OPCML: variants seen among roughly 807,000 people sequenced by gnomAD.
OPCML encodes opioid binding protein/cell adhesion molecule like, also known as opioid-binding protein/cell adhesion molecule.
Under a neutral mutation model 37.8 loss-of-function variants are expected in OPCML, and 13 were observed. The observed-to-expected ratio is 0.34, with a 90% CI of 0.22 to 0.55. The LOEUF is 0.55. OPCML is among the 20% of genes least tolerant of loss of function. The probability of loss-of-function intolerance (pLI) is 0.91; values close to 1 mark genes in which losing one functional copy is unlikely to be tolerated. For missense variants in OPCML, 341 were observed against 435.6 expected, an observed-to-expected ratio of 0.78 and a Z score of 1.93; for synonymous variants, 176 against 168.8, an observed-to-expected ratio of 1.04 and a Z score of -0.33.
chr11:132,468,904 C>T (rs926471302), intron 4 of OPCML, among the ~76,000 whole-genome samples: 1 of 152,206 alleles, frequency 6.6e-6, no homozygotes, highest in African/African-American at 2.4e-5. Flanking sequence ...GATCCAATCA[C>T]ACCCAGATAT....
chr11:132,944,602 A>C (rs1056706407), intron 1 of OPCML, among the ~76,000 whole-genome samples: 1 of 152,234 alleles, frequency 6.6e-6, no homozygotes, highest in Non-Finnish European at 1.5e-5. Flanking sequence ...GGCTGGGAAA[A>C]ACACACCAGA....
chr11:132,877,298 C>CA lies in OPCML; in HGVS notation c.146+65627dup, dbSNP rs550176288. ...AGGAACTAAGCTGCACCCCCCCACC[C>CA]AAAAAAAGATGCAATATTCACTTGA... On this transcript the variant is annotated intron_variant, in intron 2 of 7. Transcript: ENST00000524381. 4.1e-3 allele frequency among the ~76,000 whole-genome samples: 627 copies of CA among 151,956 alleles called. 3 individuals carry two copies. Among genetic ancestry groups the CA allele is most frequent in the African/African-American group, 0.014 (596 of 41,458 alleles).
intron 1 of OPCML, among the ~76,000 whole-genome samples, chr11:133,466,528 G>T (rs968492439): frequency 2.6e-5 from 4 of 152,160 alleles, no homozygotes; most frequent in Non-Finnish European, 5.9e-5. Flanking sequence ...GAAGCAAAAG[G>T]CCATTCTACA....
chr11:133,044,626 C>T (rs1056861590), intron 1 of OPCML, among the ~76,000 whole-genome samples: 2 of 152,036 alleles, frequency 1.3e-5, no homozygotes, highest in African/African-American at 4.8e-5. Context: ...TAATCCATAC[C>T]GAATTCTAGG....
chr11:132,727,383 T>C (rs534437525), intron 2 of OPCML, among the ~76,000 whole-genome samples: 3 of 152,294 alleles, frequency 2.0e-5, no homozygotes, highest in African/African-American at 7.2e-5. Context: ...GGCTTCTCCA[T>C]TTATCTGTCC....
At chr11:133,020,460 G>C (rs757059854) in intron 1 of OPCML, among the ~76,000 whole-genome samples, 34 of 152,280 alleles carry the variant, frequency 2.2e-4, no homozygotes, top group Middle Eastern at 3.4e-3. Context: ...GATTATCCCA[G>C]TTCAGAAGCC....
At chr11:132,625,947 AT>A (rs1297458429) in intron 3 of OPCML, among the ~76,000 whole-genome samples, 1 of 152,008 alleles carries the variant, frequency 6.6e-6, no homozygotes, top group Non-Finnish European at 1.5e-5. Context: ...CCACATCTCT[AT>A]TGTAGCACTT....
intron 4 of OPCML, among the ~76,000 whole-genome samples, chr11:132,471,273 A>G (rs2096137272): frequency 6.6e-6 from 1 of 152,044 alleles, no homozygotes; most frequent in Non-Finnish European, 1.5e-5. Context: ...ATGGCTGTGG[A>G]TGGTGGGGCA....
At position 132,441,479 on chromosome 11, in the gene OPCML, T is replaced by A. The variant is rs183859960; in HGVS notation, c.506-4120A>T. Among the ~76,000 whole-genome samples the A allele has an allele frequency of 4.9e-3, 751 of 152,304 alleles. 5 individuals carry two copies. The highest frequency in any genetic ancestry group is 0.016 in the African/African-American group (678 of 41,570). ...CACCGCGCCCGGCCCACCAAGGACTTTTTTAAAAAGGCTGTAAGACTGCAA... is the reference window on the plus strand; with the variant it reads ...CACCGCGCCCGGCCCACCAAGGACTATTTTAAAAAGGCTGTAAGACTGCAA... On this transcript the variant is annotated intron_variant, in intron 4 of 7. Transcript: ENST00000524381.
At chr11:132,725,343 T>C (rs1404691554) in intron 2 of OPCML, among the ~76,000 whole-genome samples, 7 of 152,138 alleles carry the variant, frequency 4.6e-5, no homozygotes, top group Non-Finnish European at 1.0e-4. Flanking sequence ...TAGCCATGGC[T>C]AGAGTGGCTG....
chr11:133,521,137 C>A (rs1948389073), intron 1 of OPCML, among the ~76,000 whole-genome samples: 1 of 152,210 alleles, frequency 6.6e-6, no homozygotes, highest in Admixed American at 6.5e-5. Flanking sequence ...TGGAACTGCA[C>A]AGCACTTCGG....
chr11:133,186,426 GCCT>G (rs1565492342), intron 1 of OPCML, among the ~76,000 whole-genome samples: 1 of 151,290 alleles, frequency 6.6e-6, no homozygotes, highest in African/African-American at 2.4e-5. Context: ...GCCCATAGCT[GCCT>G]CTGCTGGCCT....
chr11:133,320,891 C>T (rs374722204), intron 1 of OPCML, among the ~76,000 whole-genome samples: 9 of 152,258 alleles, frequency 5.9e-5, no homozygotes, highest in African/African-American at 1.4e-4. Context: ...AACACAATAA[C>T]GGCAGCACCC....
At chr11:132,431,395 C>T (rs190609335) in intron 7 of OPCML, among the ~76,000 whole-genome samples, 1 of 152,344 alleles carries the variant, frequency 6.6e-6, no homozygotes, top group East Asian at 1.9e-4. Context: ...CTGGCGTTGA[C>T]CGCCTTTCCA....
intron 1 of OPCML, among the ~76,000 whole-genome samples, chr11:133,049,651 G>A (rs149072200): frequency 1.2e-3 from 176 of 152,344 alleles, no homozygotes; most frequent in African/African-American, 4.0e-3. Context: ...GACATGAGGT[G>A]TACATAGAGT....
At chr11:132,974,959 A>G (rs568360928) in intron 1 of OPCML, among the ~76,000 whole-genome samples, 3 of 151,880 alleles carry the variant, frequency 2.0e-5, no homozygotes, top group Non-Finnish European at 4.4e-5. Flanking sequence ...TATAGCTTCA[A>G]TTATTACCTA....
chr11:132,947,111 G>A (rs1414011235), intron 1 of OPCML, among the ~76,000 whole-genome samples: 2 of 152,048 alleles, frequency 1.3e-5, no homozygotes, highest in African/African-American at 4.8e-5. Flanking sequence ...TGGACCTGCT[G>A]GTTCTATTGC....
At chr11:132,479,713 G>C in intron 4 of OPCML, among the ~76,000 whole-genome samples, 1 of 152,164 alleles carries the variant, frequency 6.6e-6, no homozygotes, top group Non-Finnish European at 1.5e-5. Flanking sequence ...GTGGGTCCCT[G>C]ACCCCTGACC....
rs1013663388 is a variant in OPCML, at chr11:133,420,355, T to G, written c.61+111909A>C. ...TTTTAGATATCCTTTGCTGTTGCTT[T>G]CTTTCTTTAGGTCTCTAGGACAGTA... On this transcript the variant is annotated intron_variant, in intron 1 of 7. Transcript: ENST00000524381. 2.8e-5 allele frequency: 28 copies of G among 985,358 alleles called. No individual in the cohort carries two copies. In the Admixed American group the frequency reaches 5.5e-4, roughly 19 times the overall value. 61.0% of individuals were successfully genotyped at this position (985,358 alleles called of 1,614,324 possible).
Sources: allele counts gnomAD v4.1 joint callset (sites outside exome capture counted in the v4.1 genomes callset), GRCh38; gene constraint gnomAD v4.1.1; transcripts MANE v1.5; gene names NCBI Gene and HGNC (gene_info 2026-07-23, HGNC 2026-07-21).